The following EPHA10 variants were observed in gnomAD, a reference collection of about 807,000 sequenced individuals.
EPHA10 encodes the protein EPH receptor A10, also known as ephrin type-A receptor 10.
A neutral mutation model predicts 109.7 loss-of-function variants in EPHA10; 120 were observed. The ratio of observed to expected loss-of-function variants is 1.09; its 90% CI spans 0.94 to 1.27. The LOEUF (loss-of-function observed/expected upper bound fraction) is 1.27, where lower values mean the gene tolerates loss of function less well. EPHA10 is among the 50% of genes most tolerant of loss of function. The pLI is 0.00. For missense variants in EPHA10, 1,396 were observed against 1,411.1 expected (o/e 0.99, Z 0.17); for synonymous variants, 640 against 618.9 (o/e 1.03, Z -0.51).
Position 37,719,994 on chromosome 1 carries a change from G to A in EPHA10, c.2477C>T (p.Ala826Val), listed in dbSNP as rs1225078979. The A allele has an allele frequency of 1.9e-6, 3 of 1,613,922 alleles. No homozygotes were observed. The highest frequency in any genetic ancestry group is 2.5e-6 in the Non-Finnish European group (3 of 1,180,026). The change falls in exon 14 of 17, where the codon GCC (alanine) becomes GTC (valine). Residue 826 changes from alanine to valine, a missense_variant. By Grantham distance (64) the Ala-to-Val change is moderately conservative (BLOSUM62 0). Transcript: ENST00000373048. Reference protein sequence around the residue: ...ETLQFGHFSSASDVWSFGIIM... With the variant: ...ETLQFGHFSSVSDVWSFGIIM... Reference sequence around the variant, plus strand: ...GATGCCGAAGCTCCACACGTCACTGGCAGAGCTGAAGTGGCCAAACTGAAG... The same window carrying A: ...GATGCCGAAGCTCCACACGTCACTGACAGAGCTGAAGTGGCCAAACTGAAG...
At position 37,765,113 on chromosome 1, in the gene EPHA10, A is replaced by G. The variant is rs752527156; in HGVS notation, c.-47T>C. On this transcript the variant is annotated 5_prime_UTR_variant, in exon 1 of 17. Coordinates refer to ENST00000373048, the MANE Select transcript of EPHA10 (RefSeq NM_001099439.2). ...GTCCGGCGGCGGCTCAAGCCGCGCCAGCCTAGCACCGCTGAGCAATGCCCC... is the reference window on the plus strand; with the variant it reads ...GTCCGGCGGCGGCTCAAGCCGCGCCGGCCTAGCACCGCTGAGCAATGCCCC... The G allele has an allele frequency of 1.3e-6, 2 of 1,518,166 alleles. No individual in the cohort carries two copies. The highest frequency in any genetic ancestry group is 4.7e-5 in the East Asian group (2 of 42,108). The allele number at this position is 1,518,166 out of a possible 1,614,324, so 94.0% of individuals were successfully genotyped here.
Position 37,718,255 on chromosome 1 carries a change from A to G in EPHA10, c.*117T>C. On this transcript the variant is annotated 3_prime_UTR_variant, in exon 17 of 17. Transcript: ENST00000373048. ...TGTGGCCCCACCAGATCTGGGCCCAAGCAGAGGAAGAGAGCGCTCCCTCCC... is the reference window on the plus strand; with the variant it reads ...TGTGGCCCCACCAGATCTGGGCCCAGGCAGAGGAAGAGAGCGCTCCCTCCC... 1 of 876,062 alleles carries G rather than the reference A, an allele frequency of 1.1e-6. No individual in the cohort carries two copies. Among genetic ancestry groups the G allele is most frequent in the Non-Finnish European group, 1.8e-6 (1 of 556,170 alleles). The allele number at this position is 876,062 out of a possible 1,614,324, so 54.3% of individuals were successfully genotyped here. A position where few individuals can be genotyped will look rare whatever the true frequency, so the allele number is the denominator to read the frequency against.
chr1:37,714,330 T>G (rs1645662211), downstream of EPHA10, among the ~76,000 whole-genome samples: 1 of 152,282 alleles, frequency 6.6e-6, no homozygotes, highest in African/African-American at 2.4e-5. Context: ...GTGGTCCAAG[T>G]GTGTGTGTGC....
At chr1:37,727,337 A>G in intron 7 of EPHA10, 127 bp from the exon 8 acceptor site, 1 of 687,538 alleles carries the variant, frequency 1.5e-6, no homozygotes, top group Non-Finnish European at 2.3e-6. Context: ...ACTGCCTCCC[A>G]GCCACAGAGG....
intron 5 of EPHA10, among the ~76,000 whole-genome samples, chr1:37,737,413 T>C (rs1646086965): frequency 6.6e-6 from 1 of 152,174 alleles, no homozygotes; most frequent in Non-Finnish European, 1.5e-5. Flanking sequence ...TACAGACATA[T>C]AGACCAATGA....
intron 15 of EPHA10, chr1:37,719,193 C>G: frequency 3.3e-6 from 2 of 609,934 alleles, no homozygotes; most frequent in South Asian, 4.0e-5. Flanking sequence ...GGTCATTGTA[C>G]CCGGGGATGT....
intron 1 of EPHA10, 89 bp from the exon 2 acceptor site, chr1:37,762,938 T>G: frequency 7.8e-7 from 1 of 1,280,418 alleles, no homozygotes. Flanking sequence ...CCTGTAAATT[T>G]GCTGAGAGAA....
In EPHA10 at chr1:37,720,387, GC is replaced by G. The variant is rs1557529006; in HGVS notation, c.2375del (p.Gly792AlafsTer13). Reference protein sequence around the residue: ...LVCKISGFGRGPRDRSEAVYT... With the variant: ...LVCKISGFGRXPRDRSEAVYT... Reference sequence around the variant, plus strand: ...AGACAGCCTCTGATCGGTCCCGGGGGCCCCGCCCGAAGCCAGAGATCTTGCA... The same window carrying G: ...AGACAGCCTCTGATCGGTCCCGGGGGCCCGCCCGAAGCCAGAGATCTTGCA... On this transcript the variant is annotated frameshift_variant, in exon 13 of 17. Transcript: ENST00000373048. LOFTEE classifies it high-confidence loss of function. The G allele has an allele frequency of 1.2e-6, 2 of 1,612,542 alleles. No individual in the cohort carries two copies. Among genetic ancestry groups the G allele is most frequent in the Non-Finnish European group, 1.7e-6 (2 of 1,179,790 alleles).
At chr1:37,735,657 C>CTGCT in intron 5 of EPHA10, among the ~76,000 whole-genome samples, 1 of 152,042 alleles carries the variant, frequency 6.6e-6, no homozygotes, top group East Asian at 1.9e-4. Flanking sequence ...AGGCCTTCTG[C>CTGCT]TGCTTGCCCA....
intron 11 of EPHA10, 94 bp downstream of exon 11, chr1:37,721,566 C>A: frequency 7.7e-7 from 1 of 1,301,252 alleles, no homozygotes; most frequent in Non-Finnish European, 1.0e-6. Flanking sequence ...GAGGGAAGGA[C>A]CTGGAGAGGC....
At chr1:37,732,330 A>G (rs891120356) in intron 6 of EPHA10, among the ~76,000 whole-genome samples, 8 of 152,016 alleles carry the variant, frequency 5.3e-5, no homozygotes, top group Non-Finnish European at 4.4e-5. Context: ...GCTCGACATC[A>G]TGCTGCCCCC....
intron 5 of EPHA10, among the ~76,000 whole-genome samples, chr1:37,743,229 A>C (rs1328407417): frequency 6.6e-6 from 1 of 152,114 alleles, no homozygotes; most frequent in Non-Finnish European, 1.5e-5. Flanking sequence ...TATTCTGAAG[A>C]CTCAGGAGAA....
At chr1:37,753,504 G>A (rs1347473914) in intron 4 of EPHA10, among the ~76,000 whole-genome samples, 2 of 151,394 alleles carry the variant, frequency 1.3e-5, no homozygotes, top group Non-Finnish European at 1.5e-5. Flanking sequence ...GCGGGAATGG[G>A]CCGTGGGAGC....
chr1:37,726,780 T>C (rs1645898881), intron 8 of EPHA10, among the ~76,000 whole-genome samples: 1 of 152,246 alleles, frequency 6.6e-6, no homozygotes, highest in South Asian at 2.1e-4. Context: ...TGGGGGCCTC[T>C]GAGCTCCTCC....
chr1:37,734,579 C>T (rs1264398352), intron 6 of EPHA10: 6 of 452,856 alleles, frequency 1.3e-5, no homozygotes, highest in East Asian at 7.0e-5. Context: ...AATAAACTTA[C>T]GGGGAAAAGA....
rs145490543 is a variant in EPHA10, at chr1:37,723,562, G to A, written c.1773-190C>T. Among the ~76,000 whole-genome samples the A allele has an allele frequency of 3.9e-3, 600 of 152,266 alleles. 2 individuals are homozygous for A. Among genetic ancestry groups the A allele is most frequent in the African/African-American group, 0.013 (531 of 41,550 alleles). On this transcript the variant is annotated intron_variant, in intron 8 of 16. Coordinates refer to ENST00000373048, the MANE Select transcript of EPHA10 (RefSeq NM_001099439.2). ...ACCTCCCCATGGCACAGATACAACC[G>A]TAGCCCTAGACCAAACCGTCACCAC... is the stretch of plus-strand genomic sequence containing the variant.
chr1:37,749,489 A>G (rs781513291), intron 5 of EPHA10, among the ~76,000 whole-genome samples: 3 of 151,856 alleles, frequency 2.0e-5, no homozygotes, highest in Non-Finnish European at 2.9e-5. Flanking sequence ...CCTGGCCAAC[A>G]TGGCGAAACC....
chr1:37,745,395 G>C (rs1234562030), intron 5 of EPHA10, among the ~76,000 whole-genome samples: 2 of 152,216 alleles, frequency 1.3e-5, no homozygotes, highest in African/African-American at 4.8e-5. Flanking sequence ...GTATTGGTGA[G>C]GAGGCAGAGA....
intron 5 of EPHA10, among the ~76,000 whole-genome samples, chr1:37,738,285 T>C (rs1215521340): frequency 6.6e-6 from 1 of 152,076 alleles, no homozygotes; most frequent in Non-Finnish European, 1.5e-5. Context: ...AAGAATTGTT[T>C]GAACCTGGGA....
Sources: gnomAD v4.1 joint callset for allele counts (sites outside exome capture counted in the v4.1 genomes callset) on GRCh38, gnomAD v4.1.1 for gene constraint, MANE v1.5 for transcripts, NCBI Gene and HGNC (gene_info 2026-07-23, HGNC 2026-07-21) for gene names.